ABLIM2: variants seen among roughly 807,000 people sequenced by gnomAD.
The protein encoded by ABLIM2 is actin binding LIM protein family member 2, also known as actin-binding LIM protein 2.
In ABLIM2, 53 loss-of-function variants were observed where a neutral mutation model predicts 97.7. That is an observed-to-expected ratio of 0.54 (90% CI 0.44 to 0.68). The LOEUF is 0.68. Ranked by LOEUF, ABLIM2 falls within the 30% of genes least tolerant of loss-of-function variation. ABLIM2 has a pLI of 0.00. For synonymous variants in ABLIM2, 361 were observed against 345.8 expected (o/e 1.04, Z -0.49); for missense variants, 835 against 867.2 (o/e 0.96, Z 0.47).
At chr4:8,062,311 G>A (rs1803765087) in intron 6 of ABLIM2, among the ~76,000 whole-genome samples, 1 of 152,248 alleles carries the variant, frequency 6.6e-6, no homozygotes, top group African/African-American at 2.4e-5. Context: ...GGCCACGTCA[G>A]GGAGTACCAG....
chr4:8,020,203 TG>T lies in ABLIM2; in HGVS notation c.1367del (p.Pro456GlnfsTer5). On this transcript the variant is annotated frameshift_variant and splice_region_variant, in exon 13 of 21. Coordinates refer to ENST00000447017, the MANE Select transcript of ABLIM2 (RefSeq NM_001130083.2). LOFTEE classifies it high-confidence loss of function. Reference protein sequence around the residue: ...YQQAPRHFHVPDTGVKDNIYR... With the variant: ...YQQAPRHFHVXDTGVKDNIYR... ...CAGCCAGCGTGTCCCGGAGCCTACC[TG>T]GGACGTGGAAGTGGCGAGGTGCCTG... 6.2e-7 allele frequency: 1 copy of T among 1,612,888 alleles called. No homozygotes were observed. Among genetic ancestry groups the T allele is most frequent in the Non-Finnish European group, 8.5e-7 (1 of 1,179,356 alleles).
At position 8,071,461 on chromosome 4, in the gene ABLIM2, C is replaced by T. The variant is rs1013830362; in HGVS notation, c.675+6167G>A. Among the ~76,000 whole-genome samples the T allele has an allele frequency of 6.6e-6, 1 of 152,232 alleles. No individual in the cohort carries two copies. The highest frequency in any genetic ancestry group is 6.5e-5 in the Admixed American group (1 of 15,292). ...AACCCCACTGTCACCACCAAATGCA[C>T]ATTTCGCGGGCAGGCGGGCACTGCG... On this transcript the variant is annotated intron_variant, in intron 6 of 20. Coordinates refer to ENST00000447017, the MANE Select transcript of ABLIM2 (RefSeq NM_001130083.2). This position sits in a 1 kb window ranked among gnomAD's most constrained non-coding sequence, Gnocchi z 6.2.
rs1453148919 is a variant in ABLIM2 at position 8,125,705 on chromosome 4, C to T, written c.11-19068G>A. On this transcript the variant is annotated intron_variant, in intron 1 of 20. Coordinates refer to ENST00000447017, the MANE Select transcript of ABLIM2 (RefSeq NM_001130083.2). The surrounding 1 kb of genome is among the most constrained non-coding windows in gnomAD (Gnocchi z 6.2). Reference sequence around the variant, plus strand: ...AAGCACAGTGGGCCTGAGAAGGCATCGCAGACTCAGCTGAGCTGGAGAGGC... The same window carrying T: ...AAGCACAGTGGGCCTGAGAAGGCATTGCAGACTCAGCTGAGCTGGAGAGGC... Among the ~76,000 whole-genome samples the T allele has an allele frequency of 2.6e-5, 4 of 152,196 alleles. No individual in the cohort carries two copies. Among genetic ancestry groups the T allele is most frequent in the Admixed American group, 6.5e-5 (1 of 15,282 alleles).
rs866570117 is a variant in ABLIM2 at position 8,145,767 on chromosome 4, C to T, written c.10+12913G>A. 1.4e-3 allele frequency among the ~76,000 whole-genome samples: 206 copies of T among 149,624 alleles called. 1 individual carries two copies. Among genetic ancestry groups the T allele is most frequent in the African/African-American group, 4.8e-3 (194 of 40,802 alleles). The stretch of plus-strand genomic sequence containing the variant: ...TCATACACACACACACACACACACA[C>T]ACACACACACACACACACACACGAG... On this transcript the variant is annotated intron_variant, in intron 1 of 20. Transcript: ENST00000447017.
intron 10 of ABLIM2, among the ~76,000 whole-genome samples, chr4:8,030,351 C>T (rs962402060): frequency 2.0e-5 from 3 of 152,246 alleles, no homozygotes; most frequent in African/African-American, 4.8e-5. Flanking sequence ...TGTGGGGTGG[C>T]GTGGCACCAT....
intron 1 of ABLIM2, among the ~76,000 whole-genome samples, chr4:8,134,624 A>G (rs534217998): frequency 6.6e-6 from 1 of 152,362 alleles, no homozygotes; most frequent in South Asian, 2.1e-4. Context: ...ACAGAGACAC[A>G]AATGTGCCGG....
chr4:8,092,058 C>T (rs1325309901), intron 3 of ABLIM2, among the ~76,000 whole-genome samples: 1 of 148,368 alleles, frequency 6.7e-6, no homozygotes, highest in African/African-American at 2.5e-5. Flanking sequence ...AGTGCACTGG[C>T]ACAATGTTGG....
intron 14 of ABLIM2, chr4:8,010,572 T>G (rs966816240): frequency 1.0e-6 from 1 of 985,738 alleles, no homozygotes; most frequent in Non-Finnish European, 1.2e-6. Flanking sequence ...AGGCCAAAAT[T>G]GAAGACTGAG....
chr4:8,057,162 A>C (rs916067326), intron 7 of ABLIM2, among the ~76,000 whole-genome samples: 9 of 148,418 alleles, frequency 6.1e-5, no homozygotes, highest in African/African-American at 2.2e-4. Flanking sequence ...GCAGTTATGC[A>C]ATCTCAGCTC....
rs1435672205 is a variant in ABLIM2, at chr4:8,128,494, T to C, written c.11-21857A>G. The stretch of plus-strand genomic sequence containing the variant: ...GCACCACGCAGAACAGAGTTTTAGA[T>C]TTTATTTAATTTTAATTCAACCAGG... On this transcript the variant is annotated intron_variant, in intron 1 of 20. Transcript: ENST00000447017. This position sits in a 1 kb window ranked among gnomAD's most constrained non-coding sequence, Gnocchi z 4.9. Among the ~76,000 whole-genome samples the C allele has an allele frequency of 6.6e-6, 1 of 152,090 alleles. No homozygotes were observed. The highest frequency in any genetic ancestry group is 1.5e-5 in the Non-Finnish European group (1 of 68,022).
intron 12 of ABLIM2, among the ~76,000 whole-genome samples, chr4:8,026,171 G>A (rs1579017116): frequency 2.0e-5 from 3 of 152,278 alleles, no homozygotes; most frequent in South Asian, 2.1e-4. Flanking sequence ...CATGCCCGGC[G>A]TTTTTCTTTT....
At chr4:7,990,727 G>C (rs1240441034) in intron 17 of ABLIM2, among the ~76,000 whole-genome samples, 1 of 152,138 alleles carries the variant, frequency 6.6e-6, no homozygotes. Context: ...GCATCTCCAG[G>C]GGAAGGTCAT....
In ABLIM2 at chr4:8,054,093, G is replaced by A. The variant is rs750655845; in HGVS notation, c.822+95C>T. 1.4e-6 allele frequency: 2 copies of A among 1,435,894 alleles called. No homozygotes were observed. Among genetic ancestry groups the A allele is most frequent in the East Asian group, 4.6e-5 (2 of 43,654 alleles). The allele number at this position is 1,435,894 out of a possible 1,614,324, so 88.9% of individuals were successfully genotyped here. On this transcript the variant is annotated intron_variant, in intron 8 of 20. Transcript: ENST00000447017. This position sits in a 1 kb window ranked among gnomAD's most constrained non-coding sequence, Gnocchi z 4.9. Reference sequence around the variant, plus strand: ...CCTGCAGCCCGTGGGACTGGACAATGAGCCTGTAGAATCTGGTCAGTGTCC... The same window carrying A: ...CCTGCAGCCCGTGGGACTGGACAATAAGCCTGTAGAATCTGGTCAGTGTCC...
At chr4:8,108,277 A>G (rs1319964831) in intron 1 of ABLIM2, among the ~76,000 whole-genome samples, 2 of 152,214 alleles carry the variant, frequency 1.3e-5, no homozygotes, top group African/African-American at 4.8e-5. Flanking sequence ...GGACCACCGC[A>G]GTGCGGCAGC....
At chr4:8,145,672 T>C (rs1451385794) in intron 1 of ABLIM2, among the ~76,000 whole-genome samples, 4 of 151,788 alleles carry the variant, frequency 2.6e-5, no homozygotes, top group Non-Finnish European at 4.4e-5. Context: ...TTGGCAACCA[T>C]GGATTTTGCT....
At chr4:8,153,840 A>T (rs1714008790) in intron 1 of ABLIM2, among the ~76,000 whole-genome samples, 1 of 152,220 alleles carries the variant, frequency 6.6e-6, no homozygotes, top group East Asian at 1.9e-4. Flanking sequence ...TCCTTCTCCC[A>T]CATCTTACAG....
chr4:8,078,986 T>G (rs1818040978), intron 5 of ABLIM2, among the ~76,000 whole-genome samples: 1 of 152,248 alleles, frequency 6.6e-6, no homozygotes, highest in African/African-American at 2.4e-5. Flanking sequence ...GGAGGATTTC[T>G]CAGGCTGTCA....
chr4:7,973,774 C>A (rs1460303571), intron 20 of ABLIM2, among the ~76,000 whole-genome samples: 1 of 152,154 alleles, frequency 6.6e-6, no homozygotes, highest in African/African-American at 2.4e-5. Context: ...TCAGGCCAGA[C>A]AACAAGTCCC....
intron 6 of ABLIM2, among the ~76,000 whole-genome samples, chr4:8,076,620 G>A (rs1411050467): frequency 1.3e-5 from 2 of 151,716 alleles, no homozygotes; most frequent in Non-Finnish European, 2.9e-5. Flanking sequence ...CTCCATTCTC[G>A]AGACCCCCCT....
Sources: gnomAD v4.1 joint callset for allele counts (sites outside exome capture counted in the v4.1 genomes callset) on GRCh38, gnomAD v4.1.1 for gene constraint, Gnocchi (gnomAD v3.1) non-coding constraint, MANE v1.5 for transcripts, NCBI Gene and HGNC (gene_info 2026-07-23, HGNC 2026-07-21) for gene names.